ARHGEF40: variants seen among roughly 807,000 people sequenced by gnomAD.
ARHGEF40 encodes Rho guanine nucleotide exchange factor 40, also known as Rho guanine nucleotide exchange factor (GEF) 40.
A neutral mutation model predicts 165.9 loss-of-function variants in ARHGEF40; 98 were observed. The observed-to-expected ratio is 0.59, with a 90% CI of 0.50 to 0.70. ARHGEF40 has a LOEUF of 0.70. ARHGEF40 is among the 30% of genes least tolerant of loss of function. The probability of loss-of-function intolerance (pLI) is 0.00; values close to 1 mark genes in which losing one functional copy is unlikely to be tolerated. For synonymous variants in ARHGEF40, 792 were observed against 814.3 expected, an observed-to-expected ratio of 0.97 and a Z score of 0.47; for missense variants, 1,815 against 1,968.0, an observed-to-expected ratio of 0.92 and a Z score of 1.47.
At position 21,074,053 on chromosome 14, in the gene ARHGEF40, A is replaced by T; in HGVS notation, c.323A>T (p.Gln108Leu). 1.2e-6 allele frequency: 2 copies of T among 1,614,108 alleles called. No individual in the cohort carries two copies. The highest frequency in any genetic ancestry group is 1.7e-6 in the Non-Finnish European group (2 of 1,180,026). ...QLLRPGDFYLQVVPSAAQAPR... is the reference protein window; with the variant it reads ...QLLRPGDFYLLVVPSAAQAPR... Reference sequence around the variant, plus strand: ...CTGCGCCCAGGAGACTTCTATCTGCAGGTGGTGCCCTCAGCTGCCCAAGCA... The same window carrying T: ...CTGCGCCCAGGAGACTTCTATCTGCTGGTGGTGCCCTCAGCTGCCCAAGCA... Residue 108 changes from glutamine to leucine, a missense_variant, in exon 3 of 24, where the codon CAG becomes CTG. Transcript: ENST00000298694. The surrounding 1 kb of genome is among the most constrained non-coding windows in gnomAD (Gnocchi z 4.8).
At chr14:21,067,181 C>A (rs1194566236), upstream of ARHGEF40, among the ~76,000 whole-genome samples, 3 of 152,172 alleles carry the variant, frequency 2.0e-5, no homozygotes, top group Non-Finnish European at 2.9e-5. Context: ...CTTCCACCTT[C>A]CCCCGTATTA....
At chr14:21,071,138 A>C (rs1275525075) in intron 1 of ARHGEF40, among the ~76,000 whole-genome samples, 1 of 152,188 alleles carries the variant, frequency 6.6e-6, no homozygotes, top group African/African-American at 2.4e-5. Context: ...GGGAGGGAAC[A>C]CGAGCCGGAG....
chr14:21,075,795 A>G lies in ARHGEF40; in HGVS notation c.1739+30A>G. 6.2e-7 allele frequency: 1 copy of G among 1,603,134 alleles called. No individual in the cohort carries two copies. The highest frequency in any genetic ancestry group is 8.5e-7 in the Non-Finnish European group (1 of 1,173,670). ...CCGAGGCCCAGTCCTGGCACCCTGG[A>G]CACTAACCTCCTGATTCATGAGGAC... On this transcript the variant is annotated intron_variant, in intron 5 of 23. Coordinates refer to ENST00000298694, the MANE Select transcript of ARHGEF40 (RefSeq NM_018071.5). The surrounding 1 kb of genome is among the most constrained non-coding windows in gnomAD (Gnocchi z 4.5).
intron 22 of ARHGEF40, 23 bp downstream of exon 22, chr14:21,088,121 G>C: frequency 6.3e-7 from 1 of 1,590,760 alleles, no homozygotes; most frequent in Non-Finnish European, 8.6e-7. Context: ...AACGAGGCTG[G>C]GAACAATGTG....
rs772243335 is a variant in ARHGEF40 at position 21,082,452 on chromosome 14, C to T, written c.3460C>T (p.Arg1154Cys). The change falls in exon 15 of 24, where the codon CGC becomes TGC. Residue 1154 changes from arginine to cysteine, a missense_variant. Transcript: ENST00000298694. The stretch of plus-strand genomic sequence containing the variant: ...TCAGGGCTGCGCCACCCACCCCCTA[C>T]GCATTGGGGCCTGCTTCCTTCGCCA... Reference protein sequence around the residue: ...ELQGCATHPLRIGACFLRHGD... With the variant: ...ELQGCATHPLCIGACFLRHGD... 7.5e-6 allele frequency: 12 copies of T among 1,597,982 alleles called. No homozygotes were observed. Among genetic ancestry groups the T allele is most frequent in the African/African-American group, 5.4e-5 (4 of 74,406 alleles).
At chr14:21,068,395 C>T (rs977651908), upstream of ARHGEF40, among the ~76,000 whole-genome samples, 1 of 152,006 alleles carries the variant, frequency 6.6e-6, no homozygotes, top group Non-Finnish European at 1.5e-5. Flanking sequence ...ATTCCACTAC[C>T]TAAGAGTAGT....
At chr14:21,077,663 T>C (rs2059951465) in intron 8 of ARHGEF40, among the ~76,000 whole-genome samples, 1 of 152,146 alleles carries the variant, frequency 6.6e-6, no homozygotes, top group Non-Finnish European at 1.5e-5. Context: ...AATCACAATA[T>C]AATTGCTAAA....
chr14:21,075,227 T>G lies in ARHGEF40; in HGVS notation c.1450+47T>G. On this transcript the variant is annotated intron_variant, in intron 3 of 23. Coordinates refer to ENST00000298694, the MANE Select transcript of ARHGEF40 (RefSeq NM_018071.5). The surrounding 1 kb of genome is among the most constrained non-coding windows in gnomAD (Gnocchi z 4.5). ...CTCATGGGGCAAGGGCCAAAGCAGG[T>G]CGGGCCTATGGGAGGGGGCAGGAGG... is the stretch of plus-strand genomic sequence containing the variant. The G allele has an allele frequency of 6.3e-7, 1 of 1,583,790 alleles. No homozygotes were observed. Among genetic ancestry groups the G allele is most frequent in the Non-Finnish European group, 8.6e-7 (1 of 1,165,682 alleles).
At position 21,070,987 on chromosome 14, in the gene ARHGEF40, T is replaced by G; in HGVS notation, c.3+588T>G. On this transcript the variant is annotated intron_variant, in intron 1 of 23. Coordinates refer to ENST00000298694, the MANE Select transcript of ARHGEF40 (RefSeq NM_018071.5). The surrounding 1 kb of genome is among the most constrained non-coding windows in gnomAD (Gnocchi z 4.7). The stretch of plus-strand genomic sequence containing the variant: ...AGAAAAAGAGCTGCCTCAGGATAGT[T>G]GGGGGTGCTTGGGGGGGAGCTCACA... 1 of 857,772 alleles carries G rather than the reference T, an allele frequency of 1.2e-6. No individual in the cohort carries two copies. Among genetic ancestry groups the G allele is most frequent in the Non-Finnish European group, 1.8e-6 (1 of 548,192 alleles). 53.1% of individuals were successfully genotyped at this position (857,772 alleles called of 1,614,324 possible). A position where few individuals can be genotyped will look rare whatever the true frequency, so the allele number is the denominator to read the frequency against.
intron 21 of ARHGEF40, 119 bp from the exon 22 acceptor site, chr14:21,087,849 A>G (rs1888483487): frequency 3.6e-6 from 5 of 1,394,726 alleles, no homozygotes; most frequent in Non-Finnish European, 4.0e-6. Flanking sequence ...CTGGATCGCT[A>G]TGGTGACTCA....
At position 21,075,765 on chromosome 14, in the gene ARHGEF40, G is replaced by A; in HGVS notation, c.1739G>A (p.Arg580Lys). The A allele has an allele frequency of 1.2e-6, 2 of 1,612,172 alleles. No homozygotes were observed. Among genetic ancestry groups the A allele is most frequent in the South Asian group, 1.1e-5 (1 of 90,914 alleles). The change falls in exon 5 of 24, where the codon AGG (arginine) becomes AAG (lysine). Residue 580 changes from arginine to lysine, a missense_variant and splice_region_variant. Transcript: ENST00000298694. This position sits in a 1 kb window ranked among gnomAD's most constrained non-coding sequence, Gnocchi z 4.5. Reference protein sequence around the residue: ...TTLHYLHSLLRPDLQTLGLSV... With the variant: ...TTLHYLHSLLKPDLQTLGLSV... The stretch of plus-strand genomic sequence containing the variant: ...CTTCATTACCTCCACTCACTGCTCA[G>A]GTAACCGAGGCCCAGTCCTGGCACC...
In ARHGEF40 at chr14:21,078,363, C is replaced by G. The variant is rs768946974; in HGVS notation, c.2131-10C>G. 5.6e-6 allele frequency: 9 copies of G among 1,599,444 alleles called. No homozygotes were observed. The East Asian group carries it at 1.8e-4, about 32-fold the overall frequency. On this transcript the variant is annotated splice_polypyrimidine_tract_variant and intron_variant, in intron 9 of 23. Coordinates refer to ENST00000298694, the MANE Select transcript of ARHGEF40 (RefSeq NM_018071.5). ...TGGAACCCCAACTGGCAACTCCTCC[C>G]TATCCCCAGGAGGCAGTGGGAATGC...
the ARHGEF40 span, among the ~76,000 whole-genome samples, chr14:21,065,119 C>G: frequency 2.6e-5 from 4 of 151,512 alleles, no homozygotes; most frequent in South Asian, 2.1e-4. Flanking sequence ...TGCAGTGAGT[C>G]GAGATTGTAC....
At chr14:21,061,465 G>A in the ARHGEF40 span, among the ~76,000 whole-genome samples, 1 of 152,138 alleles carries the variant, frequency 6.6e-6, no homozygotes, top group Non-Finnish European at 1.5e-5. Flanking sequence ...TGTAAAACTG[G>A]CCCACTCTGA....
intron 8 of ARHGEF40, 92 bp downstream of exon 8, chr14:21,076,982 ATGAGGTTGC>A: frequency 7.3e-6 from 8 of 1,098,740 alleles, no homozygotes; most frequent in Admixed American, 6.5e-5. Flanking sequence ...AGGACATACC[ATGAGGTTGC>A]AAAAAAGTGG....
At position 21,088,053 on chromosome 14, in the gene ARHGEF40, C is replaced by T. The variant is rs781603448; in HGVS notation, c.4473C>T (p.Ser1491=). ...PSLQPPHPGS[S]TPTLASRGIL... is the part of the protein sequence containing the mutation. ...TGCAACCCCCCCACCCTGGGAGCAG[C>T]ACTCCCACCCTGGCCAGTCGAGGGA... Residue 1491 remains serine (S), a synonymous_variant, in exon 22 of 24, where the codon AGC becomes AGT. Coordinates refer to ENST00000298694, the MANE Select transcript of ARHGEF40 (RefSeq NM_018071.5). 6.2e-7 allele frequency: 1 copy of T among 1,613,880 alleles called. No individual in the cohort carries two copies.
chr14:21,075,066 A>G lies in ARHGEF40; in HGVS notation c.1336A>G (p.Lys446Glu), dbSNP rs1360623694. 3 of 1,614,138 alleles carry G rather than the reference A, an allele frequency of 1.9e-6. No homozygotes were observed. Among genetic ancestry groups the G allele is most frequent in the Non-Finnish European group, 2.5e-6 (3 of 1,180,032 alleles). The part of the protein sequence containing the change: ...EGSGKPESEP[K>E]ELKTAGEKEP... The stretch of plus-strand genomic sequence containing the variant: ...CTCAGGGAAGCCAGAATCTGAGCCA[A>G]AAGAGCTCAAAACAGCAGGCGAGAA... The change falls in exon 3 of 24, where the codon AAA becomes GAA. Residue 446 changes from lysine to glutamate, a missense_variant. Physicochemically the swap from Lys to Glu is moderately conservative, Grantham distance 56. Coordinates refer to ENST00000298694, the MANE Select transcript of ARHGEF40 (RefSeq NM_018071.5). This position sits in a 1 kb window ranked among gnomAD's most constrained non-coding sequence, Gnocchi z 4.5.
intron 21 of ARHGEF40, 46 bp downstream of exon 21, chr14:21,087,509 G>C (rs1444322024): frequency 1.2e-5 from 19 of 1,591,260 alleles, no homozygotes; most frequent in Non-Finnish European, 1.6e-5. Context: ...CGGTCATGGT[G>C]GTGATGTTCA....
intron 19 of ARHGEF40, 151 bp downstream of exon 19, chr14:21,086,017 T>G: frequency 1.0e-6 from 1 of 973,574 alleles, no homozygotes; most frequent in Non-Finnish European, 1.5e-6. Flanking sequence ...GAGAGATTAC[T>G]GAAGTAGAAA....
Sources: gnomAD v4.1 joint callset for allele counts (sites outside exome capture counted in the v4.1 genomes callset) on GRCh38, gnomAD v4.1.1 for gene constraint, Gnocchi (gnomAD v3.1) non-coding constraint, MANE v1.5 for transcripts, NCBI Gene and HGNC (gene_info 2026-07-23, HGNC 2026-07-21) for gene names.